CBLN2: variants seen among roughly 807,000 people sequenced by gnomAD.
The protein encoded by CBLN2 is cerebellin 2 precursor.
CBLN2 carries 7 observed loss-of-function variants against 15.0 expected under a neutral mutation model. That is an observed-to-expected ratio of 0.47 (90% CI 0.27 to 0.88). The LOEUF (loss-of-function observed/expected upper bound fraction) is 0.88. Ranked by LOEUF, CBLN2 falls within the 40% of genes least tolerant of loss-of-function variation. The probability of loss-of-function intolerance (pLI) is 0.14; values close to 1 mark genes in which losing one functional copy is unlikely to be tolerated. For missense variants in CBLN2, 242 were observed against 304.5 expected (o/e 0.79, Z 1.53); for synonymous variants, 149 against 135.2 (o/e 1.10, Z -0.71).
chr18:72,538,586 A>C, intron 4 of CBLN2, 67 bp downstream of exon 4: 1 of 1,596,616 alleles, frequency 6.3e-7, no homozygotes, highest in Non-Finnish European at 8.6e-7. Context: ...AGACCAGGTG[A>C]AGGGGCCTTT....
At chr18:72,616,776 A>G (rs1380494870) in intron 1 of CBLN2, among the ~76,000 whole-genome samples, 2 of 152,132 alleles carry the variant, frequency 1.3e-5, no homozygotes, top group African/African-American at 4.8e-5. Flanking sequence ...CATACCTTCT[A>G]TGAAGAGAAT....
At chr18:72,638,192 A>G (rs1465823441) in intron 1 of CBLN2, 2 of 396,916 alleles carry the variant, frequency 5.0e-6, no homozygotes, top group African/African-American at 4.1e-5. Flanking sequence ...AAGCAGAAGT[A>G]AATACTTTGC....
At chr18:72,571,667 G>C (rs1169675215) in intron 1 of CBLN2, among the ~76,000 whole-genome samples, 2 of 152,144 alleles carry the variant, frequency 1.3e-5, no homozygotes, top group Non-Finnish European at 2.9e-5. Flanking sequence ...CGATTCAGTA[G>C]AGAATAACAG....
intron 1 of CBLN2, among the ~76,000 whole-genome samples, chr18:72,595,604 T>C (rs1039301480): frequency 4.6e-5 from 7 of 152,282 alleles, no homozygotes; most frequent in African/African-American, 7.2e-5. Flanking sequence ...ATCTGTCCAA[T>C]GCTGAAAGTG....
chr18:72,628,843 C>T (rs777232626), intron 1 of CBLN2, among the ~76,000 whole-genome samples: 8 of 152,134 alleles, frequency 5.3e-5, no homozygotes, highest in East Asian at 1.9e-4. Flanking sequence ...GCTTATAAGC[C>T]GTTGCTGTTT....
chr18:72,538,842 G>T (rs1195367735), intron 3 of CBLN2, 70 bp from the exon 4 acceptor site: 2 of 1,573,736 alleles, frequency 1.3e-6, no homozygotes, highest in Non-Finnish European at 1.7e-6. Flanking sequence ...ATCATCCTTG[G>T]ATAACCAGCA....
chr18:72,627,008 C>A (rs914434761), intron 1 of CBLN2, among the ~76,000 whole-genome samples: 21 of 152,132 alleles, frequency 1.4e-4, no homozygotes, highest in Admixed American at 3.3e-4. Flanking sequence ...GTTGGCTTTC[C>A]CACTCAACGT....
At chr18:72,539,538 T>C (rs2069093491) in intron 3 of CBLN2, 1 of 152,278 alleles carries the variant, frequency 6.6e-6, no homozygotes, top group Admixed American at 6.5e-5. Context: ...AACCGGCAGC[T>C]TGGACATCCT....
intron 1 of CBLN2, among the ~76,000 whole-genome samples, chr18:72,574,177 G>T (rs937710050): frequency 6.6e-6 from 1 of 151,918 alleles, no homozygotes; most frequent in South Asian, 2.1e-4. Flanking sequence ...TTATATTTTT[G>T]ATAATGGCTA....
chr18:72,634,868 T>C (rs1311166485), intron 1 of CBLN2, among the ~76,000 whole-genome samples: 2 of 152,166 alleles, frequency 1.3e-5, no homozygotes, highest in Non-Finnish European at 2.9e-5. Context: ...TTTTGGAGAT[T>C]TGGAAAATCC....
At chr18:72,570,998 A>G (rs185653221) in intron 1 of CBLN2, among the ~76,000 whole-genome samples, 1 of 152,104 alleles carries the variant, frequency 6.6e-6, no homozygotes, top group African/African-American at 2.4e-5. Context: ...CTCTCTCTAT[A>G]TATTATATTT....
chr18:72,561,509 A>C (rs1428535814), intron 1 of CBLN2, among the ~76,000 whole-genome samples: 1 of 152,004 alleles, frequency 6.6e-6, no homozygotes, highest in African/African-American at 2.4e-5. Context: ...TGAATATAGC[A>C]TTCCTCTGAA....
intron 1 of CBLN2, among the ~76,000 whole-genome samples, chr18:72,627,690 C>T (rs963351143): frequency 3.9e-5 from 6 of 152,194 alleles, no homozygotes; most frequent in African/African-American, 1.2e-4. Flanking sequence ...AAGCACGATC[C>T]TAAAACCTTT....
At position 72,551,156 on chromosome 18, in the gene CBLN2, G is replaced by A. The variant is rs1033791120; in HGVS notation, c.16-12384C>T. On this transcript the variant is annotated intron_variant, in intron 1 of 2. Transcript: ENST00000581073. The stretch of plus-strand genomic sequence containing the variant: ...ATTTAAACATTGATAAATTTATTCC[G>A]ATGCTTATTAAATACAAATTTTAGG... 2.1e-4 allele frequency among the ~76,000 whole-genome samples: 32 copies of A among 151,780 alleles called. 1 individual carries two copies. Among genetic ancestry groups the A allele is most frequent in the Non-Finnish European group, 1.8e-4 (12 of 67,968 alleles).
At chr18:72,576,159 G>T (rs1257924781) in intron 1 of CBLN2, among the ~76,000 whole-genome samples, 4 of 152,298 alleles carry the variant, frequency 2.6e-5, no homozygotes, top group African/African-American at 9.6e-5. Flanking sequence ...TTTCTATGCA[G>T]CTTTTTGTTG....
Position 72,619,158 on chromosome 18 carries a change from C to T in CBLN2, c.15+19167G>A, listed in dbSNP as rs1437360390. On this transcript the variant is annotated intron_variant, in intron 1 of 2. Coordinates refer to the CBLN2 transcript ENST00000581073. ...TGGAAGCCAGTACTTTGCCAAACCA[C>T]AAAACCAAGGTGGCTGGGGTGGTTC... 1.4e-5 allele frequency: 11 copies of T among 766,016 alleles called. No individual in the cohort carries two copies. The East Asian group carries it at 2.1e-4, about 15-fold the overall frequency. 47.5% of individuals were successfully genotyped at this position (766,016 alleles called of 1,614,324 possible). A position where few individuals can be genotyped will look rare whatever the true frequency, so the allele number is the denominator to read the frequency against.
At chr18:72,565,628 G>C (rs1396791801) in intron 1 of CBLN2, among the ~76,000 whole-genome samples, 1 of 152,006 alleles carries the variant, frequency 6.6e-6, no homozygotes, top group Non-Finnish European at 1.5e-5. Context: ...CACATAAAAG[G>C]TACAGTAGTT....
At chr18:72,577,019 GTGATATA>G (rs2069372180) in intron 1 of CBLN2, among the ~76,000 whole-genome samples, 1 of 102,434 alleles carries the variant, frequency 9.8e-6, no homozygotes, top group Non-Finnish European at 2.1e-5. Flanking sequence ...TATATATAAT[GTGATATA>G]TATAATGTAT....
chr18:72,577,123 C>A (rs943454942), intron 1 of CBLN2, among the ~76,000 whole-genome samples: 5 of 148,830 alleles, frequency 3.4e-5, no homozygotes, highest in African/African-American at 1.2e-4. Flanking sequence ...TGTTGATGGC[C>A]ATAGAAATGT....
Sources: gnomAD v4.1 joint callset for allele counts (sites outside exome capture counted in the v4.1 genomes callset) on GRCh38, gnomAD v4.1.1 for gene constraint, MANE v1.5 for transcripts, NCBI Gene and HGNC (gene_info 2026-07-23, HGNC 2026-07-21) for gene names.